The following INSYN2B variants were observed in gnomAD, a reference collection of about 807,000 sequenced individuals.
INSYN2B encodes the protein inhibitory synaptic factor family member 2B, also known as protein INSYN2B.
Under a neutral mutation model 41.2 loss-of-function variants are expected in INSYN2B, and 16 were observed. The ratio of observed to expected loss-of-function variants is 0.39; its 90% CI spans 0.26 to 0.59. INSYN2B has a LOEUF of 0.59. Among genes scored for constraint, INSYN2B ranks in the 20% least tolerant of loss-of-function variants. The probability of loss-of-function intolerance (pLI) is 0.57; values close to 1 mark genes in which losing one functional copy is unlikely to be tolerated. For synonymous variants in INSYN2B, 245 were observed against 244.4 expected (o/e 1.00, Z -0.02); for missense variants, 608 against 646.4 (o/e 0.94, Z 0.64).
At chr5:169,878,598 T>TA (rs1364048418) in intron 3 of INSYN2B, among the ~76,000 whole-genome samples, 2 of 152,238 alleles carry the variant, frequency 1.3e-5, no homozygotes, top group Admixed American at 1.3e-4. Context: ...GACGTTCTAG[T>TA]ACCAAACTCA....
intron 1 of INSYN2B, among the ~76,000 whole-genome samples, chr5:169,953,591 C>T (rs1368085591): frequency 1.3e-5 from 2 of 152,076 alleles, no homozygotes; most frequent in South Asian, 2.1e-4. Context: ...TAGCATTAGA[C>T]GAGGCTGAGA....
In INSYN2B at chr5:169,882,852, T is replaced by C; in HGVS notation, c.1047A>G (p.Lys349=). 2 of 1,551,032 alleles carry C rather than the reference T, an allele frequency of 1.3e-6. No homozygotes were observed. Among genetic ancestry groups the C allele is most frequent in the Non-Finnish European group, 1.7e-6 (2 of 1,146,394 alleles). The change falls in exon 2 of 4, where the codon AAA becomes AAG. Residue 349 remains lysine (K), a synonymous_variant. Transcript: ENST00000377365. The stretch of plus-strand genomic sequence containing the variant: ...TCTGCTCCTGACACCCAGGGGCAGA[T>C]TTCGATGCACTGTTAGTTTTGAGTG... ...LVSLKTNSAS[K]SAPGCQEQTA...
In INSYN2B at chr5:169,879,130, AT is replaced by A. The variant is rs545389070; in HGVS notation, c.1421+2237del. 3.2e-4 allele frequency among the ~76,000 whole-genome samples: 49 copies of A among 152,328 alleles called. No homozygotes were observed. In the South Asian group the frequency reaches 1.0e-2, roughly 31 times the overall value. On this transcript the variant is annotated intron_variant, in intron 3 of 3. Transcript: ENST00000377365. ...TGGGAAATACCACTTAGGAAACCGT[AT>A]GCATGGCTAATTTAGCAGCAACATC...
chr5:169,962,708 G>A (rs1317611482), intron 1 of INSYN2B, among the ~76,000 whole-genome samples: 1 of 152,160 alleles, frequency 6.6e-6, no homozygotes, highest in Non-Finnish European at 1.5e-5. Context: ...AAAAAGTAGG[G>A]AATGATAACT....
intron 1 of INSYN2B, among the ~76,000 whole-genome samples, chr5:169,973,868 A>G (rs530644075): frequency 2.2e-4 from 33 of 152,248 alleles, no homozygotes; most frequent in Admixed American, 9.1e-4. Context: ...ACATCCATCT[A>G]TTCATTCATT....
chr5:169,909,820 G>T (rs1774494931), intron 1 of INSYN2B, among the ~76,000 whole-genome samples: 1 of 152,160 alleles, frequency 6.6e-6, no homozygotes. Context: ...CTTCTAGAAT[G>T]GTCTGAGTAG....
At chr5:169,870,877 C>A (rs1199553054) in intron 3 of INSYN2B, among the ~76,000 whole-genome samples, 11 of 151,074 alleles carry the variant, frequency 7.3e-5, no homozygotes, top group Non-Finnish European at 1.3e-4. Context: ...GTTGCTATAA[C>A]AAAATACTAC....
intron 3 of INSYN2B, among the ~76,000 whole-genome samples, chr5:169,868,843 G>A (rs1182166253): frequency 2.6e-5 from 4 of 152,148 alleles, no homozygotes; most frequent in Admixed American, 6.5e-5. Flanking sequence ...ACCGGGAGAT[G>A]GAACGGAAAC....
intron 1 of INSYN2B, among the ~76,000 whole-genome samples, chr5:169,902,048 C>T (rs1773956189): frequency 1.3e-5 from 2 of 152,134 alleles, no homozygotes; most frequent in South Asian, 4.2e-4. Flanking sequence ...TTTGTTTCTC[C>T]CTCTCTGTGT....
chr5:169,942,112 C>G (rs947193253), intron 1 of INSYN2B, among the ~76,000 whole-genome samples: 14 of 152,142 alleles, frequency 9.2e-5, no homozygotes, highest in African/African-American at 3.4e-4. Context: ...TTGACCTTTT[C>G]CAAGGTATCA....
Position 169,864,411 on chromosome 5 carries a change from C to T in INSYN2B, c.1470G>A (p.Leu490=). The part of the protein sequence containing the change: ...RQQEGRFHEV[L]QSLEEAEPVE... ...CTGGCTCTGCTTCCTCCAGACTCTG[C>T]AAAACTTCATGGAACCTGCCTTCCT... The change falls in exon 4 of 4, where the codon TTG becomes TTA. Residue 490 remains leucine (L), a synonymous_variant. Transcript: ENST00000377365. 10 of 1,550,534 alleles carry T rather than the reference C, an allele frequency of 6.4e-6. No homozygotes were observed. Among genetic ancestry groups the T allele is most frequent in the Non-Finnish European group, 8.7e-6 (10 of 1,146,492 alleles).
At chr5:169,946,599 C>T (rs937165070) in intron 1 of INSYN2B, among the ~76,000 whole-genome samples, 6 of 152,140 alleles carry the variant, frequency 3.9e-5, no homozygotes, top group African/African-American at 1.4e-4. Flanking sequence ...TTTTTCATTC[C>T]ACCAGTCTAC....
intron 1 of INSYN2B, among the ~76,000 whole-genome samples, chr5:169,929,948 G>C (rs1775665538): frequency 6.6e-6 from 1 of 152,074 alleles, no homozygotes; most frequent in Admixed American, 6.5e-5. Context: ...TTGAAATAGG[G>C]CTAATGTGAC....
At chr5:169,973,770 G>A (rs1431179074) in intron 1 of INSYN2B, among the ~76,000 whole-genome samples, 2 of 152,214 alleles carry the variant, frequency 1.3e-5, no homozygotes, top group African/African-American at 4.8e-5. Context: ...TAGTCATTAA[G>A]AGGGCTGGTT....
intron 1 of INSYN2B, among the ~76,000 whole-genome samples, chr5:169,932,155 A>G (rs259895): frequency 0.11 from 16,475 of 152,236 alleles, 1,045 homozygotes; most frequent in African/African-American, 0.19. Flanking sequence ...TGGAGGTGAC[A>G]GAAGCCTATT....
chr5:169,905,123 A>G (rs1774203840), intron 1 of INSYN2B, among the ~76,000 whole-genome samples: 1 of 152,172 alleles, frequency 6.6e-6, no homozygotes, highest in Admixed American at 6.5e-5. Flanking sequence ...TATTTTCTAC[A>G]GTGGGTTTAG....
In INSYN2B at chr5:169,903,386, T is replaced by C. The variant is rs115856794; in HGVS notation, c.-918-18570A>G. On this transcript the variant is annotated intron_variant, in intron 1 of 3. Transcript: ENST00000377365. Reference sequence around the variant, plus strand: ...AATACCCACCAAGAGGAAGTCGGGGTGCCGCAGGAGTCCCTTGGAGCAGCA... The same window carrying C: ...AATACCCACCAAGAGGAAGTCGGGGCGCCGCAGGAGTCCCTTGGAGCAGCA... Among the ~76,000 whole-genome samples, 1,057 of 143,516 alleles carry C rather than the reference T, an allele frequency of 7.4e-3. 7 individuals carry two copies. Among genetic ancestry groups the C allele is most frequent in the African/African-American group, 0.026 (1,000 of 38,442 alleles). The allele number at this position is 143,516 out of a possible 152,430, so 94.2% of individuals were successfully genotyped here.
At chr5:169,927,504 T>C (rs1347218276) in intron 1 of INSYN2B, among the ~76,000 whole-genome samples, 2 of 152,178 alleles carry the variant, frequency 1.3e-5, no homozygotes, top group Non-Finnish European at 2.9e-5. Context: ...GGATGTTTCA[T>C]ATAATTAATT....
Position 169,883,357 on chromosome 5 carries a change from C to T in INSYN2B, c.542G>A (p.Gly181Asp). ...TGCTTCCAAGCATATGCTAACAGGACCATTGCTTTGCACCTTGGGGACCCT... is the reference window on the plus strand; with the variant it reads ...TGCTTCCAAGCATATGCTAACAGGATCATTGCTTTGCACCTTGGGGACCCT... ...LPRVPKVQSN[G>D]PVSICLEAGT... Residue 181 changes from glycine (G) to aspartate (D), a missense_variant, in exon 2 of 4, where the codon GGT (glycine) becomes GAT (aspartate). By Grantham distance (94) the Gly-to-Asp change is moderately conservative (BLOSUM62 -1). Coordinates refer to ENST00000377365, the MANE Select transcript of INSYN2B (RefSeq NM_001129891.3). The T allele has an allele frequency of 6.4e-7, 1 of 1,551,700 alleles. No homozygotes were observed. Among genetic ancestry groups the T allele is most frequent in the Non-Finnish European group, 8.7e-7 (1 of 1,146,976 alleles).
Sources: gnomAD v4.1 joint callset for allele counts (sites outside exome capture counted in the v4.1 genomes callset) on GRCh38, gnomAD v4.1.1 for gene constraint, MANE v1.5 for transcripts, NCBI Gene and HGNC (gene_info 2026-07-23, HGNC 2026-07-21) for gene names.